ANKFN1: variants seen among roughly 807,000 people sequenced by gnomAD.
ANKFN1 encodes ankyrin repeat and fibronectin type III domain containing 1.
ANKFN1 carries 74 observed loss-of-function variants against 108.7 expected under a neutral mutation model. The ratio of observed to expected loss-of-function variants is 0.68; its 90% CI spans 0.56 to 0.83. The LOEUF is 0.83. Ranked by LOEUF, ANKFN1 falls within the 40% of genes least tolerant of loss-of-function variation. The pLI, the probability that ANKFN1 is intolerant of heterozygous loss-of-function variation, is 0.00. For synonymous variants in ANKFN1, 547 were observed against 516.2 expected (o/e 1.06, Z -0.81); for missense variants, 1,505 against 1,382.3 (o/e 1.09, Z -1.41).
intron 2 of ANKFN1, among the ~76,000 whole-genome samples, chr17:56,214,294 T>C (rs1304712355): frequency 2.0e-5 from 3 of 152,180 alleles, no homozygotes; most frequent in East Asian, 1.9e-4. Context: ...ACATCCAAGA[T>C]ACACAGTGAT....
chr17:56,171,631 C>G (rs1910704257), intron 1 of ANKFN1, among the ~76,000 whole-genome samples: 2 of 152,176 alleles, frequency 1.3e-5, no homozygotes, highest in African/African-American at 4.8e-5. Flanking sequence ...TTTGTAGAAA[C>G]TGCCAAGGAA....
At chr17:56,323,036 A>G (rs1171903668) in intron 3 of ANKFN1, among the ~76,000 whole-genome samples, 1 of 152,220 alleles carries the variant, frequency 6.6e-6, no homozygotes, top group East Asian at 1.9e-4. Flanking sequence ...GATGCAAAAT[A>G]AAACACAATC....
intron 3 of ANKFN1, among the ~76,000 whole-genome samples, chr17:56,237,488 A>G (rs188083539): frequency 6.4e-4 from 98 of 152,128 alleles, no homozygotes; most frequent in Middle Eastern, 6.8e-3. Flanking sequence ...CAGGGAATCA[A>G]TTTCTTCCTG....
At chr17:56,202,592 C>A (rs1357797433) in intron 1 of ANKFN1, among the ~76,000 whole-genome samples, 1 of 152,176 alleles carries the variant, frequency 6.6e-6, no homozygotes, top group Non-Finnish European at 1.5e-5. Context: ...CCCCTCCACA[C>A]CCTTTTCACC....
intron 4 of ANKFN1, among the ~76,000 whole-genome samples, chr17:56,072,211 T>C (rs1236278857): frequency 6.6e-6 from 1 of 152,166 alleles, no homozygotes; most frequent in Non-Finnish European, 1.5e-5. Context: ...TGTTTTCACT[T>C]TCTTCTTATT....
intron 8 of ANKFN1, among the ~76,000 whole-genome samples, chr17:56,417,718 G>A (rs988614397): frequency 2.0e-5 from 3 of 152,198 alleles, no homozygotes; most frequent in Admixed American, 6.5e-5. Flanking sequence ...TCCATGTGTA[G>A]GTGTTTATTC....
intron 3 of ANKFN1, among the ~76,000 whole-genome samples, chr17:56,242,683 C>T (rs1917673474): frequency 6.6e-6 from 1 of 151,790 alleles, no homozygotes; most frequent in African/African-American, 2.4e-5. Flanking sequence ...TATTGCATTG[C>T]CTTGGGTCTT....
chr17:56,394,074 T>G (rs1410732173), intron 8 of ANKFN1, among the ~76,000 whole-genome samples: 1 of 152,216 alleles, frequency 6.6e-6, no homozygotes, highest in Non-Finnish European at 1.5e-5. Flanking sequence ...AACATAAGAA[T>G]TCACTTTGCA....
chr17:56,325,390 G>C (rs946994337), intron 3 of ANKFN1, among the ~76,000 whole-genome samples: 1 of 152,090 alleles, frequency 6.6e-6, no homozygotes, highest in Non-Finnish European at 1.5e-5. Context: ...ATTTCAGTGA[G>C]AGCCATTAAA....
intron 4 of ANKFN1, among the ~76,000 whole-genome samples, chr17:56,096,842 G>A (rs1009237668): frequency 6.6e-6 from 1 of 152,196 alleles, no homozygotes; most frequent in African/African-American, 2.4e-5. Flanking sequence ...ATTCACAATA[G>A]TGAAGATAAA....
intron 4 of ANKFN1, among the ~76,000 whole-genome samples, chr17:56,117,858 A>G (rs1168646138): frequency 1.3e-5 from 2 of 151,994 alleles, no homozygotes; most frequent in African/African-American, 4.8e-5. Flanking sequence ...CCAAAAAGAA[A>G]CCTAGTACCT....
At chr17:56,440,882 TA>T (rs1044423959) in intron 9 of ANKFN1, among the ~76,000 whole-genome samples, 2,664 of 143,120 alleles carry the variant, frequency 0.019, 62 homozygotes, top group African/African-American at 0.062. Flanking sequence ...TTCCCTTGAT[TA>T]AAAAAAAAAA....
intron 8 of ANKFN1, among the ~76,000 whole-genome samples, chr17:56,406,619 G>A (rs149149425): frequency 1.4e-3 from 209 of 152,140 alleles, no homozygotes; most frequent in African/African-American, 4.6e-3. Flanking sequence ...TAATTTCTAC[G>A]TTAAATTATT....
At chr17:56,064,605 C>T (rs1905031261) in intron 4 of ANKFN1, among the ~76,000 whole-genome samples, 1 of 152,338 alleles carries the variant, frequency 6.6e-6, no homozygotes, top group African/African-American at 2.4e-5. Context: ...AAAGCACAGC[C>T]TGGAGCTATA....
chr17:56,195,646 G>A (rs2143721637), intron 1 of ANKFN1, among the ~76,000 whole-genome samples: 1 of 152,290 alleles, frequency 6.6e-6, no homozygotes, highest in East Asian at 1.9e-4. Flanking sequence ...ATAACTCTGA[G>A]CCCATTTCCT....
chr17:56,501,764 C>T (rs1157362456), intron 20 of ANKFN1, among the ~76,000 whole-genome samples: 1 of 151,974 alleles, frequency 6.6e-6, no homozygotes, highest in Admixed American at 6.6e-5. Context: ...GCATCAAGAC[C>T]TATTAGACTA....
intron 3 of ANKFN1, among the ~76,000 whole-genome samples, chr17:56,231,221 A>C (rs995928393): frequency 6.6e-6 from 1 of 151,996 alleles, no homozygotes; most frequent in African/African-American, 2.4e-5. Context: ...CCTCTTCTAG[A>C]GGGATTTTCT....
At chr17:56,486,701 G>A (rs1236262080) in intron 18 of ANKFN1, among the ~76,000 whole-genome samples, 1 of 152,140 alleles carries the variant, frequency 6.6e-6, no homozygotes, top group Non-Finnish European at 1.5e-5. Flanking sequence ...GATACACTAA[G>A]CATTTCTGAG....
At chr17:56,270,653 A>G (rs752031574) in intron 3 of ANKFN1, among the ~76,000 whole-genome samples, 3 of 152,162 alleles carry the variant, frequency 2.0e-5, no homozygotes, top group Non-Finnish European at 4.4e-5. Context: ...ACTACGGCCA[A>G]AGTAGTCATC....
Sources: allele counts gnomAD v4.1 joint callset (sites outside exome capture counted in the v4.1 genomes callset), GRCh38; gene constraint gnomAD v4.1.1; transcripts MANE v1.5; gene names NCBI Gene and HGNC (gene_info 2026-07-23, HGNC 2026-07-21).